NUP188: variants seen among roughly 807,000 people sequenced by gnomAD.
NUP188 encodes the protein nucleoporin NUP188.
Under a neutral mutation model 223.0 loss-of-function variants are expected in NUP188, and 97 were observed. The ratio of observed to expected loss-of-function variants is 0.43; its 90% CI spans 0.37 to 0.51. The LOEUF is 0.51. Among genes scored for constraint, NUP188 ranks in the 20% least tolerant of loss-of-function variants. The pLI, the probability that NUP188 is intolerant of heterozygous loss-of-function variation, is 0.00. For synonymous variants in NUP188, 869 were observed against 828.0 expected (o/e 1.05, Z -0.85); for missense variants, 1,947 against 2,175.6 (o/e 0.89, Z 2.09).
intron 24 of NUP188, 123 bp from the exon 25 acceptor site, chr9:128,989,997 C>A: frequency 1.3e-6 from 1 of 744,396 alleles, no homozygotes; most frequent in Non-Finnish European, 2.4e-6. Context: ...TTGCTGTGGC[C>A]CTCCAAGTAC....
intron 4 of NUP188, 117 bp downstream of exon 4, chr9:128,956,551 T>C (rs573143779): frequency 3.4e-6 from 2 of 582,608 alleles, no homozygotes; most frequent in South Asian, 5.3e-5. Context: ...AATTGTTTTA[T>C]AAATACCCAG....
chr9:129,000,841 A>C (rs915640944), intron 34 of NUP188, among the ~76,000 whole-genome samples: 5 of 151,412 alleles, frequency 3.3e-5, no homozygotes, highest in Admixed American at 2.0e-4. Context: ...GATGGAGACC[A>C]TCCTGGCTAA....
chr9:128,989,643 C>A (rs904383983), intron 24 of NUP188, among the ~76,000 whole-genome samples: 5 of 151,872 alleles, frequency 3.3e-5, no homozygotes, highest in African/African-American at 1.2e-4. Flanking sequence ...ACCAGCCTGG[C>A]CAACATGGTG....
intron 20 of NUP188, 125 bp downstream of exon 20, chr9:128,985,139 T>C (rs1453829198): frequency 1.0e-4 from 70 of 668,750 alleles, no homozygotes; most frequent in East Asian, 2.6e-5. Flanking sequence ...AATAGTCATC[T>C]TGAAGTTACA....
rs1292923908 is a variant in NUP188 at position 128,958,914 on chromosome 9, T to C, written c.465+20T>C. 1 of 1,507,590 alleles carries C rather than the reference T, an allele frequency of 6.6e-7. No homozygotes were observed. Among genetic ancestry groups the C allele is most frequent in the Non-Finnish European group, 9.1e-7 (1 of 1,099,244 alleles). The allele number at this position is 1,507,590 out of a possible 1,614,324, so 93.4% of individuals were successfully genotyped here. ...TATAGGGTAAGCTTGTTTAGTCCTCTTGCTTCTCTTTATACTGTATCATCT... is the reference window on the plus strand; with the variant it reads ...TATAGGGTAAGCTTGTTTAGTCCTCCTGCTTCTCTTTATACTGTATCATCT... On this transcript the variant is annotated intron_variant, in intron 7 of 43. Transcript: ENST00000372577.
intron 28 of NUP188, 96 bp downstream of exon 28, chr9:128,994,538 A>G (rs1413059736): frequency 2.4e-6 from 2 of 830,128 alleles, no homozygotes; most frequent in African/African-American, 1.7e-5. Flanking sequence ...TACCTCCCCT[A>G]ATTAAACAAC....
At chr9:128,951,243 G>A (rs1588266482) in intron 2 of NUP188, among the ~76,000 whole-genome samples, 1 of 151,334 alleles carries the variant, frequency 6.6e-6, no homozygotes, top group Non-Finnish European at 1.5e-5. Flanking sequence ...GGAAGTGGAG[G>A]TTGCAGTGAG....
At chr9:128,973,610 T>C (rs1842132570) in intron 12 of NUP188, among the ~76,000 whole-genome samples, 1 of 152,132 alleles carries the variant, frequency 6.6e-6, no homozygotes, top group African/African-American at 2.4e-5. Flanking sequence ...CTTAAACTCC[T>C]GACATCAGGC....
At position 129,005,342 on chromosome 9, in the gene NUP188, C is replaced by A. The variant is rs1319531334; in HGVS notation, c.4549C>A (p.Arg1517=). The change falls in exon 40 of 44, where the codon CGA becomes AGA. Residue 1517 remains arginine (R), a synonymous_variant. Transcript: ENST00000372577. The part of the protein sequence containing the change: ...GDGLPSAVAQ[R]VQRPPSAASA... ...TGGCCTCCCCTCAGCTGTTGCCCAG[C>A]GAGTCCAGAGGCCACCGTCTGCTGC... is the stretch of plus-strand genomic sequence containing the variant. The A allele has an allele frequency of 6.2e-7, 1 of 1,613,942 alleles. No homozygotes were observed. Among genetic ancestry groups the A allele is most frequent in the Non-Finnish European group, 8.5e-7 (1 of 1,180,034 alleles).
intron 15 of NUP188, among the ~76,000 whole-genome samples, chr9:128,981,793 G>A (rs1165410370): frequency 1.3e-5 from 2 of 152,160 alleles, no homozygotes; most frequent in East Asian, 1.9e-4. Flanking sequence ...GTCACTTGTC[G>A]GCCAGGTGTA....
chr9:128,971,065 A>G, intron 11 of NUP188, 107 bp downstream of exon 11: 1 of 859,898 alleles, frequency 1.2e-6, no homozygotes, highest in Non-Finnish European at 2.0e-6. Context: ...TGTTGTAACT[A>G]ACCTTTTGAG....
intron 6 of NUP188, among the ~76,000 whole-genome samples, chr9:128,958,339 T>C (rs1295715449): frequency 6.6e-6 from 1 of 152,238 alleles, no homozygotes; most frequent in Non-Finnish European, 1.5e-5. Context: ...TCTTTATTTC[T>C]TTATTCTTCA....
chr9:128,964,252 T>C (rs560302422), intron 8 of NUP188: 43 of 375,924 alleles, frequency 1.1e-4, no homozygotes, highest in African/African-American at 7.7e-4. Flanking sequence ...GTTTGTCTTA[T>C]CAAATTGTCA....
intron 12 of NUP188, among the ~76,000 whole-genome samples, chr9:128,974,205 G>A (rs1352779493): frequency 6.6e-6 from 1 of 151,952 alleles, no homozygotes; most frequent in East Asian, 1.9e-4. Context: ...ACTGCACCTG[G>A]CCCTGTTTGT....
At chr9:129,002,104 A>G in intron 36 of NUP188, 128 bp downstream of exon 36, 2 of 724,344 alleles carry the variant, frequency 2.8e-6, no homozygotes, top group South Asian at 3.3e-5. Context: ...ATGGTGAGGA[A>G]TCTTCCCTGC....
chr9:128,991,939 G>A (rs1218283524), intron 25 of NUP188, among the ~76,000 whole-genome samples: 17 of 132,082 alleles, frequency 1.3e-4, no homozygotes, highest in Non-Finnish European at 2.2e-4. Context: ...ACGGAGTCTC[G>A]CTCTGTTGCC....
chr9:128,984,859 A>G (rs1340843098), intron 19 of NUP188, 41 bp from the exon 20 acceptor site: 1 of 1,395,850 alleles, frequency 7.2e-7, no homozygotes, highest in Non-Finnish European at 1.0e-6. Context: ...GAAACCTTGA[A>G]ATTTCCCTAT....
At position 128,984,124 on chromosome 9, in the gene NUP188, A is replaced by ATTTTTTTTTTTTTTTTTT. The variant is rs1193631566; in HGVS notation, c.1961+576_1961+593dup. 1.1e-3 allele frequency among the ~76,000 whole-genome samples: 103 copies of ATTTTTTTTTTTTTTTTTT among 93,038 alleles called. 15 individuals are homozygous for ATTTTTTTTTTTTTTTTTT. Among genetic ancestry groups the ATTTTTTTTTTTTTTTTTT allele is most frequent in the Middle Eastern group, 6.3e-3 (1 of 160 alleles). 61.0% of individuals were successfully genotyped at this position (93,038 alleles called of 152,430 possible). A position where few individuals can be genotyped will look rare whatever the true frequency, so the allele number is the denominator to read the frequency against. Reference sequence around the variant, plus strand: ...GGCGTGAGCCACCGCGCCTGGCCTGATTTTTTTTTTTTTTTTTTTGAGATG... The same window carrying ATTTTTTTTTTTTTTTTTT: ...GGCGTGAGCCACCGCGCCTGGCCTGATTTTTTTTTTTTTTTTTTTTTTTTTTTTTTTTTTTTTGAGATG... On this transcript the variant is annotated intron_variant, in intron 19 of 43. Coordinates refer to ENST00000372577, the MANE Select transcript of NUP188 (RefSeq NM_015354.3).
intron 1 of NUP188, 48 bp from the exon 2 acceptor site, chr9:128,949,131 GTGTACAAGTT>G: frequency 8.0e-7 from 1 of 1,243,850 alleles, no homozygotes; most frequent in South Asian, 1.3e-5. Flanking sequence ...CTATGAGGCA[GTGTACAAGTT>G]TGTATGATCA....
Sources: gnomAD v4.1 joint callset for allele counts (sites outside exome capture counted in the v4.1 genomes callset) on GRCh38, gnomAD v4.1.1 for gene constraint, MANE v1.5 for transcripts, NCBI Gene and HGNC (gene_info 2026-07-23, HGNC 2026-07-21) for gene names.